DLG2: variants seen among roughly 807,000 people sequenced by gnomAD.
The protein encoded by DLG2 is disks large homolog 2.
DLG2 carries 45 observed loss-of-function variants against 132.5 expected under a neutral mutation model. The observed-to-expected ratio is 0.34, with a 90% CI of 0.27 to 0.44. DLG2 has a LOEUF of 0.44. Among genes scored for constraint, DLG2 ranks in the 20% least tolerant of loss-of-function variants. The probability of loss-of-function intolerance (pLI) is 1.00; values close to 1 mark genes in which losing one functional copy is unlikely to be tolerated. For missense variants in DLG2, 1,045 were observed against 1,196.9 expected, an observed-to-expected ratio of 0.87 and a Z score of 1.87; for synonymous variants, 424 against 419.6, an observed-to-expected ratio of 1.01 and a Z score of -0.13.
At chr11:84,720,555 C>A in intron 6 of DLG2, 2 of 904,590 alleles carry the variant, frequency 2.2e-6, no homozygotes, top group Non-Finnish European at 2.6e-6. Flanking sequence ...ACGCCGCGGG[C>A]AAGTACCGAG....
chr11:85,576,346 A>C (rs1231427876), intron 3 of DLG2, among the ~76,000 whole-genome samples: 1 of 152,196 alleles, frequency 6.6e-6, no homozygotes, highest in African/African-American at 2.4e-5. Flanking sequence ...CTAGCAATGC[A>C]ATAGCATAAT....
At chr11:83,560,802 T>G (rs113012994) in intron 19 of DLG2, among the ~76,000 whole-genome samples, 2,545 of 151,834 alleles carry the variant, frequency 0.017, 92 homozygotes, top group African/African-American at 0.058. Flanking sequence ...AACAGGGTCC[T>G]CGATTGTAAC....
intron 15 of DLG2, among the ~76,000 whole-genome samples, chr11:83,900,953 C>T (rs954477203): frequency 1.3e-5 from 2 of 152,190 alleles, no homozygotes; most frequent in Non-Finnish European, 2.9e-5. Flanking sequence ...GCCAGAGCTT[C>T]TCAAGACCAT....
At chr11:83,501,930 T>G (rs78923099) in intron 21 of DLG2, among the ~76,000 whole-genome samples, 1,871 of 152,310 alleles carry the variant, frequency 0.012, 45 homozygotes, top group African/African-American at 0.043. Context: ...TGCTAGTTTT[T>G]CGTTTCATCT....
At chr11:83,490,534 G>A (rs1005400978) in intron 21 of DLG2, among the ~76,000 whole-genome samples, 1 of 151,942 alleles carries the variant, frequency 6.6e-6, no homozygotes, top group Non-Finnish European at 1.5e-5. Flanking sequence ...AGCATTGGTT[G>A]AAAGTTTGTT....
intron 3 of DLG2, among the ~76,000 whole-genome samples, chr11:85,399,204 C>T (rs1233357588): frequency 1.3e-5 from 2 of 152,074 alleles, no homozygotes; most frequent in East Asian, 3.9e-4. Context: ...AATAAAATAC[C>T]TAGGAATCCA....
intron 19 of DLG2, among the ~76,000 whole-genome samples, chr11:83,610,187 G>A (rs1489189572): frequency 6.6e-6 from 1 of 152,130 alleles, no homozygotes; most frequent in African/African-American, 2.4e-5. Context: ...GACTAAAACC[G>A]AGCGTGAGAG....
intron 6 of DLG2, among the ~76,000 whole-genome samples, chr11:84,693,368 C>T (rs534533484): frequency 6.6e-6 from 1 of 151,646 alleles, no homozygotes; most frequent in Non-Finnish European, 1.5e-5. Flanking sequence ...CTCGAGTTAC[C>T]AGGATATCCT....
intron 3 of DLG2, among the ~76,000 whole-genome samples, chr11:85,483,435 G>A (rs1404699154): frequency 6.6e-6 from 1 of 152,202 alleles, no homozygotes; most frequent in East Asian, 1.9e-4. Flanking sequence ...AAAAGCTAAG[G>A]GAGTTTATCA....
intron 4 of DLG2, among the ~76,000 whole-genome samples, chr11:85,180,129 G>C (rs1220443238): frequency 6.6e-6 from 1 of 151,668 alleles, no homozygotes; most frequent in Admixed American, 6.6e-5. Context: ...AATGCCAGCA[G>C]GATTATTTTA....
intron 6 of DLG2, among the ~76,000 whole-genome samples, chr11:85,085,698 A>T (rs1048049508): frequency 1.3e-5 from 2 of 152,134 alleles, no homozygotes; most frequent in Admixed American, 1.3e-4. Flanking sequence ...TAATATGGAG[A>T]TAACATTTTA....
intron 5 of DLG2, among the ~76,000 whole-genome samples, chr11:85,137,642 T>C (rs146156027): frequency 4.1e-4 from 63 of 152,214 alleles, no homozygotes; most frequent in African/African-American, 1.5e-3. Context: ...ACACCTTCCA[T>C]AGCTTATAAG....
chr11:83,697,960 T>A (rs1041876926), intron 18 of DLG2, among the ~76,000 whole-genome samples: 1 of 152,216 alleles, frequency 6.6e-6, no homozygotes. Context: ...TAGGCCAACT[T>A]GATAAAACAC....
At chr11:85,582,656 T>G (rs2078610225) in intron 3 of DLG2, among the ~76,000 whole-genome samples, 1 of 21,036 alleles carries the variant, frequency 4.8e-5, no homozygotes. Context: ...AAACCCCATC[T>G]CTACAAAAAA....
intron 6 of DLG2, among the ~76,000 whole-genome samples, chr11:85,096,120 C>A (rs1213715986): frequency 1.3e-5 from 2 of 152,164 alleles, no homozygotes; most frequent in Admixed American, 1.3e-4. Context: ...ACAATCAGCA[C>A]TCTGTAAAAT....
chr11:83,689,538 C>G (rs1427768197), intron 18 of DLG2, among the ~76,000 whole-genome samples: 1 of 152,078 alleles, frequency 6.6e-6, no homozygotes, highest in Non-Finnish European at 1.5e-5. Context: ...CTTAACTTCT[C>G]TGAATTAAAC....
chr11:83,469,126 C>CAAAAAA (rs11464149), intron 25 of DLG2, 75 bp downstream of exon 25: 88 of 979,800 alleles, frequency 9.0e-5, no homozygotes, highest in African/African-American at 7.4e-4. Flanking sequence ...GAGTAATGAC[C>CAAAAAA]AAAAAAAAAA....
chr11:84,515,754 GA>G (rs1328784459), intron 7 of DLG2, among the ~76,000 whole-genome samples: 3 of 151,842 alleles, frequency 2.0e-5, no homozygotes, highest in Non-Finnish European at 4.4e-5. Flanking sequence ...GACATATACA[GA>G]ATATTTTCTC....
chr11:84,271,478 G>C (rs2097721555), intron 7 of DLG2, among the ~76,000 whole-genome samples: 1 of 152,152 alleles, frequency 6.6e-6, no homozygotes, highest in African/African-American at 2.4e-5. Flanking sequence ...CTATAGTCAA[G>C]GTTCTGAGTT....
Sources: gnomAD v4.1 joint callset for allele counts (sites outside exome capture counted in the v4.1 genomes callset) on GRCh38, gnomAD v4.1.1 for gene constraint, MANE v1.5 for transcripts, NCBI Gene and HGNC (gene_info 2026-07-23, HGNC 2026-07-21) for gene names.